Variants in GBF1 observed in about 807,000 individuals in gnomAD.
The protein encoded by GBF1 is Golgi-specific brefeldin A-resistance guanine nucleotide exchange factor 1.
Under a neutral mutation model 210.5 loss-of-function variants are expected in GBF1, and 114 were observed. The observed-to-expected ratio is 0.54, with a 90% CI of 0.47 to 0.63. The LOEUF is 0.63. Ranked by LOEUF, GBF1 falls within the 30% of genes least tolerant of loss-of-function variation. The pLI is 0.00. For missense variants in GBF1, 1,851 were observed against 2,357.7 expected (o/e 0.79, Z 4.45); for synonymous variants, 850 against 889.2 (o/e 0.96, Z 0.78).
Position 102,382,335 on chromosome 10 carries a change from A to G in GBF1, c.5582A>G (p.Ter1861=). ...TDPIPTSEVN[*] ...CCCATACCCACCTCTGAGGTCAACT[A>G]AGGCAGGTCACTCAGAGATCAGGAC... Residue 1861 remains the stop codon, a stop_retained_variant, in exon 40 of 40, where the codon TAA becomes TGA. Coordinates refer to ENST00000369983, the MANE Select transcript of GBF1 (RefSeq NM_001377137.1). 6.2e-7 allele frequency: 1 copy of G among 1,602,758 alleles called. No individual in the cohort carries two copies. Among genetic ancestry groups the G allele is most frequent in the Non-Finnish European group, 8.5e-7 (1 of 1,173,626 alleles).
chr10:102,310,210 A>T (rs2078288286), intron 3 of GBF1, among the ~76,000 whole-genome samples: 1 of 152,242 alleles, frequency 6.6e-6, no homozygotes, highest in Non-Finnish European at 1.5e-5. Flanking sequence ...AGTAGCTGAA[A>T]AAGACAAAAG....
chr10:102,250,034 G>T (rs1231181907), intron 1 of GBF1, among the ~76,000 whole-genome samples: 3 of 152,004 alleles, frequency 2.0e-5, no homozygotes, highest in Admixed American at 2.0e-4. Context: ...ACCTTAGAAG[G>T]GCCTATTGCT....
intron 1 of GBF1, among the ~76,000 whole-genome samples, chr10:102,247,033 C>G (rs1295095218): frequency 2.6e-5 from 4 of 152,210 alleles, no homozygotes; most frequent in East Asian, 3.8e-4. Flanking sequence ...AACGTTATCT[C>G]TATCTGGGAT....
At chr10:102,283,357 G>A (rs1589478216) in intron 3 of GBF1, among the ~76,000 whole-genome samples, 1 of 152,182 alleles carries the variant, frequency 6.6e-6, no homozygotes, top group Non-Finnish European at 1.5e-5. Flanking sequence ...TTGAGGCCAG[G>A]AAGGGCCTGG....
intron 32 of GBF1, 44 bp downstream of exon 32, chr10:102,376,844 T>A: frequency 6.2e-7 from 1 of 1,609,618 alleles, no homozygotes; most frequent in Non-Finnish European, 8.5e-7. Context: ...AGCCATGCAA[T>A]TATGCAGGGG....
chr10:102,368,515 C>T (rs2060030912), intron 22 of GBF1, 61 bp downstream of exon 22: 2 of 1,000,210 alleles, frequency 2.0e-6, no homozygotes, highest in Non-Finnish European at 1.6e-6. Flanking sequence ...ACATGGTTTT[C>T]TCCATGCCTC....
chr10:102,267,087 A>G (rs2073938250), intron 3 of GBF1, among the ~76,000 whole-genome samples: 1 of 152,224 alleles, frequency 6.6e-6, no homozygotes, highest in Non-Finnish European at 1.5e-5. Flanking sequence ...GTAGCCGCTT[A>G]GGTAGAAAAG....
chr10:102,284,216 AT>A lies in GBF1; in HGVS notation c.163+24102del, dbSNP rs201616862. On this transcript the variant is annotated intron_variant, in intron 3 of 39. Transcript: ENST00000369983. ...AAGCACTTTAGAAAAATAAAGTCAAATTAGAGATAAGAGGATCTTTACTTGT... is the reference window on the plus strand; with the variant it reads ...AAGCACTTTAGAAAAATAAAGTCAAATAGAGATAAGAGGATCTTTACTTGT... 6.2e-3 allele frequency among the ~76,000 whole-genome samples: 951 copies of A among 152,330 alleles called. 10 individuals carry two copies. Among genetic ancestry groups the A allele is most frequent in the African/African-American group, 0.021 (884 of 41,574 alleles).
chr10:102,328,762 T>C (rs1017112334), intron 3 of GBF1, among the ~76,000 whole-genome samples: 1 of 152,248 alleles, frequency 6.6e-6, no homozygotes, highest in African/African-American at 2.4e-5. Context: ...ACTTTGCTAA[T>C]GTCAGTTCAG....
rs2059726079 is a variant in GBF1 at position 102,363,450 on chromosome 10, G to C, written c.2017+54G>C. On this transcript the variant is annotated intron_variant, in intron 16 of 39. Transcript: ENST00000369983. This position sits in a 1 kb window ranked among gnomAD's most constrained non-coding sequence, Gnocchi z 4.2. ...CTCCTCACCTGGAGGGCCTGGTGAA[G>C]AGCAGAGGGAGGGAGCAGACACCTA... is the stretch of plus-strand genomic sequence containing the variant. 1 of 1,521,924 alleles carries C rather than the reference G, an allele frequency of 6.6e-7. No individual in the cohort carries two copies. The highest frequency in any genetic ancestry group is 2.3e-5 in the East Asian group (1 of 44,226). The allele number at this position is 1,521,924 out of a possible 1,614,324, so 94.3% of individuals were successfully genotyped here.
intron 3 of GBF1, among the ~76,000 whole-genome samples, chr10:102,333,074 C>T (rs1341586492): frequency 3.3e-5 from 5 of 152,210 alleles, no homozygotes; most frequent in African/African-American, 9.6e-5. Flanking sequence ...AGTTAAATTA[C>T]TATCACCACC....
At chr10:102,352,076 A>G (rs1453269115) in intron 6 of GBF1, 125 bp downstream of exon 6, 1 of 679,966 alleles carries the variant, frequency 1.5e-6, no homozygotes, top group Non-Finnish European at 2.7e-6. Flanking sequence ...TCATGCGATC[A>G]TAGGGGTCTA....
chr10:102,358,316 C>T, intron 9 of GBF1, 130 bp downstream of exon 9: 2 of 906,376 alleles, frequency 2.2e-6, no homozygotes, highest in South Asian at 3.2e-5. Context: ...AGGGAAACTC[C>T]AGGTCAAATC....
intron 8 of GBF1, among the ~76,000 whole-genome samples, chr10:102,357,770 G>A (rs1459218415): frequency 6.6e-6 from 1 of 152,178 alleles, no homozygotes; most frequent in African/African-American, 2.4e-5. Context: ...GAAGCAGAGT[G>A]ATAAGTGTGA....
intron 4 of GBF1, among the ~76,000 whole-genome samples, chr10:102,347,403 G>A (rs2058648380): frequency 6.6e-6 from 1 of 152,134 alleles, no homozygotes; most frequent in South Asian, 2.1e-4. Flanking sequence ...CTTGCCCTGA[G>A]CACCACCTGC....
chr10:102,367,032 G>T, intron 19 of GBF1, 53 bp from the exon 20 acceptor site: 5 of 1,605,064 alleles, frequency 3.1e-6, no homozygotes, highest in East Asian at 2.2e-5. Context: ...GGTAGTGAGG[G>T]TTTAATTGGC....
chr10:102,270,543 T>C (rs1225678478), intron 3 of GBF1, among the ~76,000 whole-genome samples: 1 of 152,222 alleles, frequency 6.6e-6, no homozygotes, highest in Non-Finnish European at 1.5e-5. Context: ...GAGTCAAAAT[T>C]ACTAACATTT....
In GBF1 at chr10:102,368,408, A is replaced by G; in HGVS notation, c.2833A>G (p.Lys945Glu). Residue 945 changes from lysine (K) to glutamate (E), a missense_variant, in exon 22 of 40, where the codon AAA becomes GAA. Lys to Glu is a moderately conservative substitution (Grantham distance 56). Around this residue, in one of 3 missense-constraint regions of GBF1, gnomAD observed 967 missense variants for 1,247.7 expected, o/e 0.78. Transcript: ENST00000369983. The part of the protein sequence containing the change: ...TIAALSYVFD[K>E]SLEETIIQKA... ...TGCTGCTCTCTCTTATGTCTTTGAC[A>G]AAAGCCTTGAGGAGACAATCATCCA... 2 of 1,613,866 alleles carry G rather than the reference A, an allele frequency of 1.2e-6. No homozygotes were observed. The highest frequency in any genetic ancestry group is 4.5e-5 in the East Asian group (2 of 44,884).
the GBF1 span, among the ~76,000 whole-genome samples, chr10:102,235,270 C>G: frequency 6.7e-6 from 1 of 150,232 alleles, no homozygotes; most frequent in Non-Finnish European, 1.5e-5. Context: ...GCCAAGGGGC[C>G]AGGGGAGTGT....
Sources: gnomAD v4.1 joint callset for allele counts (sites outside exome capture counted in the v4.1 genomes callset) on GRCh38, gnomAD v4.1.1 for gene constraint, gnomAD v4.1.1 regional missense constraint, Gnocchi (gnomAD v3.1) non-coding constraint, MANE v1.5 for transcripts, NCBI Gene and HGNC (gene_info 2026-07-23, HGNC 2026-07-21) for gene names.